Variants in ARSB observed in about 807,000 individuals in gnomAD.
ARSB encodes the protein N-acetylgalactosamine-4-sulfatase.
In ARSB, 41 loss-of-function variants were observed where a neutral mutation model predicts 50.9. The ratio of observed to expected loss-of-function variants is 0.81; its 90% CI spans 0.63 to 1.04. The LOEUF (loss-of-function observed/expected upper bound fraction) is 1.04. Ranked by LOEUF, ARSB falls within the 50% of genes least tolerant of loss-of-function variation. The pLI is 0.00. For missense variants in ARSB, 672 were observed against 693.3 expected (o/e 0.97, Z 0.35); for synonymous variants, 269 against 284.8 (o/e 0.94, Z 0.56).
In ARSB at chr5:78,969,033, T is replaced by C. The variant is rs747296302; in HGVS notation, c.472A>G (p.Thr158Ala). The C allele has an allele frequency of 2.5e-6, 4 of 1,614,156 alleles. No homozygotes were observed. Among genetic ancestry groups the C allele is most frequent in the African/African-American group, 2.7e-5 (2 of 75,028 alleles). The change falls in exon 2 of 8, where the codon ACC becomes GCC. Residue 158 changes from threonine (T) to alanine (A), a missense_variant. Coordinates refer to ENST00000264914, the MANE Select transcript of ARSB (RefSeq NM_000046.5). The stretch of plus-strand genomic sequence containing the variant: ...AAGTAGGTATCAAATCCTCGGCGGG[T>C]TGGAAGGCATTCTTTCCGGTACATT... Reference protein sequence around the residue: ...LGMYRKECLPTRRGFDTYFGY... With the variant: ...LGMYRKECLPARRGFDTYFGY...
chr5:78,835,684 C>T (rs764330248), intron 6 of ARSB, among the ~76,000 whole-genome samples: 1 of 152,196 alleles, frequency 6.6e-6, no homozygotes. Flanking sequence ...GGACACACTC[C>T]TTCTAGCAGG....
chr5:78,846,459 G>C (rs1745448265), intron 5 of ARSB, among the ~76,000 whole-genome samples: 2 of 152,046 alleles, frequency 1.3e-5, no homozygotes, highest in Admixed American at 6.6e-5. Context: ...TCTGTAGATT[G>C]CTTTTGGTAG....
intron 4 of ARSB, among the ~76,000 whole-genome samples, chr5:78,917,212 T>C (rs948308344): frequency 2.0e-5 from 3 of 152,240 alleles, no homozygotes; most frequent in African/African-American, 7.2e-5. Context: ...GGTAGTTGGA[T>C]ACATTGTGCC....
chr5:78,913,259 G>A (rs1749388408), intron 4 of ARSB, among the ~76,000 whole-genome samples: 1 of 152,054 alleles, frequency 6.6e-6, no homozygotes, highest in Non-Finnish European at 1.5e-5. Context: ...CAAGTAGCTG[G>A]GACTACAGGC....
Position 78,980,938 on chromosome 5 carries a change from CTTTTTTTTTTTTTTTT to C in ARSB, c.312+3983_312+3998del, listed in dbSNP as rs762385496. On this transcript the variant is annotated intron_variant, in intron 1 of 7. Transcript: ENST00000264914. The stretch of plus-strand genomic sequence containing the variant: ...TGTAGAGAGACCTGAATTTCTAGTT[CTTTTTTTTTTTTTTTT>C]TTTTTTTTTTTTTTGAGACGGAGTC... Among the ~76,000 whole-genome samples the C allele has an allele frequency of 1.8e-3, 44 of 24,480 alleles. 14 individuals carry two copies. The highest frequency in any genetic ancestry group is 7.2e-3 in the Admixed American group (15 of 2,090). 16.1% of individuals were successfully genotyped at this position (24,480 alleles called of 152,430 possible). A position where few individuals can be genotyped will look rare whatever the true frequency, so the allele number is the denominator to read the frequency against.
intron 6 of ARSB, among the ~76,000 whole-genome samples, chr5:78,803,951 T>C (rs1394644277): frequency 1.3e-5 from 2 of 152,212 alleles, no homozygotes; most frequent in Non-Finnish European, 2.9e-5. Context: ...AAGGGCCTAT[T>C]TGTTGTTTCA....
At chr5:78,804,650 T>C (rs1320000450) in intron 6 of ARSB, among the ~76,000 whole-genome samples, 1 of 152,178 alleles carries the variant, frequency 6.6e-6, no homozygotes, top group East Asian at 1.9e-4. Context: ...CCCAAATGCT[T>C]TCAAAGCCTG....
chr5:78,852,636 A>G (rs1745878565), intron 5 of ARSB, among the ~76,000 whole-genome samples: 1 of 152,132 alleles, frequency 6.6e-6, no homozygotes, highest in African/African-American at 2.4e-5. Flanking sequence ...CTCCTGGATA[A>G]TATCCTGCAG....
chr5:78,980,884 T>A (rs769244078), intron 1 of ARSB, among the ~76,000 whole-genome samples: 1 of 152,120 alleles, frequency 6.6e-6, no homozygotes, highest in Admixed American at 6.6e-5. Flanking sequence ...GAATGAGTCA[T>A]AGGGCTGTGG....
rs994617388 is a variant in ARSB, at chr5:78,875,473, T to C, written c.1142+10111A>G. Among the ~76,000 whole-genome samples, 5 of 152,220 alleles carry C rather than the reference T, an allele frequency of 3.3e-5. 1 individual carries two copies. In the South Asian group the frequency reaches 1.0e-3, roughly 32 times the overall value. Reference sequence around the variant, plus strand: ...GTTAAATCCTTTCTGCTCAAGATGCTGTAGACGTTAGTTTATTGTCTACTG... The same window carrying C: ...GTTAAATCCTTTCTGCTCAAGATGCCGTAGACGTTAGTTTATTGTCTACTG... On this transcript the variant is annotated intron_variant, in intron 5 of 7. Transcript: ENST00000264914.
In ARSB at chr5:78,985,240, C is replaced by T. The variant is rs1289000597; in HGVS notation, c.9G>A (p.Pro3=). The T allele has an allele frequency of 3.0e-6, 4 of 1,319,406 alleles. No individual in the cohort carries two copies. In the African/African-American group the frequency reaches 4.6e-5, roughly 15 times the overall value. 81.7% of individuals were successfully genotyped at this position (1,319,406 alleles called of 1,614,324 possible). A position where few individuals can be genotyped will look rare whatever the true frequency, so the allele number is the denominator to read the frequency against. The part of the protein sequence containing the change: MG[P]RGAASLPRGP... ...CTCGGGGCAAGCTCGCCGCGCCGCGCGGACCCATCCTTGTCCGCCCGCGGT... is the reference window on the plus strand; with the variant it reads ...CTCGGGGCAAGCTCGCCGCGCCGCGTGGACCCATCCTTGTCCGCCCGCGGT... Residue 3 remains proline (P), a synonymous_variant, in exon 1 of 8, where the codon CCG becomes CCA. Transcript: ENST00000264914.
At chr5:78,877,325 G>C (rs192973794) in intron 5 of ARSB, among the ~76,000 whole-genome samples, 1 of 152,116 alleles carries the variant, frequency 6.6e-6, no homozygotes, top group African/African-American at 2.4e-5. Context: ...TGCTCAAAAC[G>C]ATCAAACTGT....
chr5:78,959,104 T>TG (rs35740556), intron 3 of ARSB, among the ~76,000 whole-genome samples: 2 of 152,184 alleles, frequency 1.3e-5, no homozygotes, highest in East Asian at 3.8e-4. Flanking sequence ...AATGGAATCA[T>TG]GGGGGTGGTT....
At chr5:78,937,491 T>C (rs1290009529) in intron 4 of ARSB, among the ~76,000 whole-genome samples, 2 of 148,046 alleles carry the variant, frequency 1.4e-5, no homozygotes, top group Non-Finnish European at 3.0e-5. Context: ...TATAAACTCA[T>C]AGAAAGGCCA....
intron 6 of ARSB, among the ~76,000 whole-genome samples, chr5:78,812,592 A>AACACACACACACACACAC (rs66597603): frequency 2.1e-5 from 3 of 144,364 alleles, no homozygotes; most frequent in East Asian, 2.1e-4. Context: ...ATTCTGTTCA[A>AACACACACACACACACAC]ACACACACAC....
At chr5:78,898,972 A>G (rs1748689030) in intron 4 of ARSB, among the ~76,000 whole-genome samples, 1 of 152,102 alleles carries the variant, frequency 6.6e-6, no homozygotes, top group African/African-American at 2.4e-5. Flanking sequence ...TGCCTTTAGT[A>G]TTTCTTGCAA....
intron 4 of ARSB, among the ~76,000 whole-genome samples, chr5:78,944,051 T>A (rs1751081175): frequency 6.6e-6 from 1 of 152,246 alleles, no homozygotes; most frequent in South Asian, 2.1e-4. Flanking sequence ...CTGATACCCT[T>A]TCTTCCAGTT....
chr5:78,858,526 A>G (rs991944988), intron 5 of ARSB, among the ~76,000 whole-genome samples: 1 of 152,126 alleles, frequency 6.6e-6, no homozygotes, highest in African/African-American at 2.4e-5. Context: ...TCATTTTCCT[A>G]TTAGTTGAAG....
At chr5:78,839,532 T>C in intron 5 of ARSB, 106 bp from the exon 6 acceptor site, 1 of 1,001,378 alleles carries the variant, frequency 1.0e-6, no homozygotes, top group Non-Finnish European at 1.5e-6. Context: ...AACCTGCCAG[T>C]TAACAACTCT....
Sources: gnomAD v4.1 joint callset for allele counts (sites outside exome capture counted in the v4.1 genomes callset) on GRCh38, gnomAD v4.1.1 for gene constraint, MANE v1.5 for transcripts, NCBI Gene and HGNC (gene_info 2026-07-23, HGNC 2026-07-21) for gene names.